Variants in MRPL48 observed in about 807,000 individuals in gnomAD.
MRPL48 encodes large ribosomal subunit protein mL48.
A neutral mutation model predicts 32.9 loss-of-function variants in MRPL48; 16 were observed. The observed-to-expected ratio is 0.49, with a 90% CI of 0.33 to 0.74. The LOEUF (loss-of-function observed/expected upper bound fraction) is 0.74. Ranked by LOEUF, MRPL48 falls within the 30% of genes least tolerant of loss-of-function variation. The pLI is 0.02. For missense variants in MRPL48, 206 were observed against 245.3 expected, an observed-to-expected ratio of 0.84 and a Z score of 1.07; for synonymous variants, 94 against 89.2, an observed-to-expected ratio of 1.05 and a Z score of -0.31.
At chr11:73,804,562 A>C (rs571049279) in intron 1 of MRPL48, among the ~76,000 whole-genome samples, 1 of 150,234 alleles carries the variant, frequency 6.7e-6, no homozygotes, top group South Asian at 2.1e-4. Context: ...GAGCCACCGC[A>C]CCTGGCCATT....
chr11:73,842,070 C>A, intron 4 of MRPL48: 1 of 152,188 alleles, frequency 6.6e-6, no homozygotes, highest in African/African-American at 2.4e-5. Context: ...CCTGTCTCAG[C>A]CTCCCAAGTT....
At chr11:73,823,946 C>T (rs1947836251) in intron 3 of MRPL48, among the ~76,000 whole-genome samples, 3 of 151,810 alleles carry the variant, frequency 2.0e-5, no homozygotes, top group Admixed American at 2.0e-4. Flanking sequence ...GCCTCCGCCT[C>T]CTGGGTTCAA....
intron 1 of MRPL48, among the ~76,000 whole-genome samples, chr11:73,794,184 G>GTATCTATCTATCTATCTATC (rs56944899): frequency 7.2e-6 from 1 of 139,178 alleles, no homozygotes; most frequent in Non-Finnish European, 1.6e-5. Flanking sequence ...GTGAGACCCT[G>GTATCTATCTATCTATCTATC]TATCTATCTA....
intron 3 of MRPL48, among the ~76,000 whole-genome samples, chr11:73,825,081 G>A (rs926382452): frequency 6.6e-6 from 1 of 152,112 alleles, no homozygotes; most frequent in African/African-American, 2.4e-5. Context: ...AAGGAAATTA[G>A]CATTTCTCTG....
intron 3 of MRPL48, among the ~76,000 whole-genome samples, 172 bp from the exon 4 acceptor site, chr11:73,825,536 G>C (rs369851016): frequency 3.8e-4 from 57 of 151,966 alleles, no homozygotes; most frequent in African/African-American, 1.3e-3. Flanking sequence ...CGGCGGGGAG[G>C]GGGGTGTGGG....
intron 5 of MRPL48, among the ~76,000 whole-genome samples, chr11:73,858,864 A>G (rs1948533001): frequency 1.3e-5 from 2 of 152,240 alleles, no homozygotes; most frequent in Non-Finnish European, 2.9e-5. Flanking sequence ...GGAATGACTT[A>G]CCTAAGTAAA....
intron 4 of MRPL48, among the ~76,000 whole-genome samples, chr11:73,835,735 C>T (rs561881814): frequency 1.3e-5 from 2 of 151,832 alleles, no homozygotes; most frequent in East Asian, 4.0e-4. Context: ...CCCATTTCTA[C>T]TAAAAATACA....
At chr11:73,806,679 A>G (rs1261080385) in intron 2 of MRPL48, among the ~76,000 whole-genome samples, 5 of 152,166 alleles carry the variant, frequency 3.3e-5, no homozygotes, top group Admixed American at 2.6e-4. Flanking sequence ...TTGTTAAATG[A>G]ATGAATTGAC....
At chr11:73,820,739 A>AAT (rs71065040) in intron 3 of MRPL48, among the ~76,000 whole-genome samples, 14,841 of 151,216 alleles carry the variant, frequency 0.098, 984 homozygotes, top group African/African-American at 0.19. Flanking sequence ...TTGAGTGGAT[A>AAT]ATATATATAT....
chr11:73,796,121 C>A (rs1947249950), intron 1 of MRPL48, among the ~76,000 whole-genome samples: 1 of 152,246 alleles, frequency 6.6e-6, no homozygotes, highest in South Asian at 2.1e-4. Flanking sequence ...GGGAGCCCTG[C>A]CCCTTCCGAG....
chr11:73,818,701 T>C (rs1473550476), intron 3 of MRPL48, among the ~76,000 whole-genome samples: 2 of 152,258 alleles, frequency 1.3e-5, no homozygotes, highest in Non-Finnish European at 2.9e-5. Flanking sequence ...AATTTTTTTC[T>C]TTCCCTACCT....
At chr11:73,834,690 T>C (rs1035502214) in intron 4 of MRPL48, among the ~76,000 whole-genome samples, 6 of 151,136 alleles carry the variant, frequency 4.0e-5, no homozygotes, top group Non-Finnish European at 8.9e-5. Flanking sequence ...TGTGCCACCA[T>C]GCCCAGCTAA....
Position 73,788,478 on chromosome 11 carries a change from T to C in MRPL48, c.21+486T>C, listed in dbSNP as rs979097320. Reference sequence around the variant, plus strand: ...GGTTTTTGTTCTTTTCTTTCTTTTTTTTTTTTTTTTTTTTTTGACGGATTT... The same window carrying C: ...GGTTTTTGTTCTTTTCTTTCTTTTTCTTTTTTTTTTTTTTTTGACGGATTT... On this transcript the variant is annotated intron_variant, in intron 1 of 7. Coordinates refer to ENST00000310614, the MANE Select transcript of MRPL48 (RefSeq NM_016055.6). 5.6e-3 allele frequency among the ~76,000 whole-genome samples: 820 copies of C among 145,716 alleles called. 2 individuals are homozygous for C. Among genetic ancestry groups the C allele is most frequent in the Middle Eastern group, 0.014 (4 of 288 alleles).
At position 73,819,686 on chromosome 11, in the gene MRPL48, G is replaced by A. The variant is rs180718993; in HGVS notation, c.113-6022G>A. 1.6e-4 allele frequency among the ~76,000 whole-genome samples: 25 copies of A among 152,236 alleles called. No homozygotes were observed. The East Asian group carries it at 3.9e-3, about 24-fold the overall frequency. ...AATTGTCCAGCCTGGGCAACATGGC[G>A]AAACTGCATATCTACAAGAAATCCA... On this transcript the variant is annotated intron_variant, in intron 3 of 7. Coordinates refer to ENST00000310614, the MANE Select transcript of MRPL48 (RefSeq NM_016055.6).
rs766011174 is a variant in MRPL48 at position 73,844,899 on chromosome 11, T to C, written c.294T>C (p.Tyr98=). Reference sequence around the variant, plus strand: ...TTTTAAATATTCATCTGACTGCATATGATATGACCCTGGCAGAGAGTTATG... The same window carrying C: ...TTTTAAATATTCATCTGACTGCATACGATATGACCCTGGCAGAGAGTTATG... ...YGVLNIHLTA[Y]DMTLAESYAQ... The change falls in exon 5 of 8, where the codon TAT becomes TAC. Residue 98 remains tyrosine (Y), a synonymous_variant. Transcript: ENST00000310614. 14 of 1,613,718 alleles carry C rather than the reference T, an allele frequency of 8.7e-6. No individual in the cohort carries two copies. In the South Asian group the frequency reaches 1.5e-4, roughly 18 times the overall value.
chr11:73,834,800 G>A (rs1590978415), intron 4 of MRPL48, among the ~76,000 whole-genome samples: 1 of 150,384 alleles, frequency 6.6e-6, no homozygotes, highest in African/African-American at 2.4e-5. Context: ...CTACCAAAGT[G>A]CTGGGATTAC....
chr11:73,848,452 T>C (rs909831556), intron 5 of MRPL48, among the ~76,000 whole-genome samples: 2 of 151,582 alleles, frequency 1.3e-5, no homozygotes, highest in African/African-American at 4.8e-5. Flanking sequence ...ATTTTTAGAA[T>C]TAGCTTGTTG....
rs1948633284 is a variant in MRPL48 at position 73,864,388 on chromosome 11, A to G, written c.*18A>G. On this transcript the variant is annotated 3_prime_UTR_variant, in exon 8 of 8. Coordinates refer to ENST00000310614, the MANE Select transcript of MRPL48 (RefSeq NM_016055.6). The stretch of plus-strand genomic sequence containing the variant: ...TGAAGTAGCTACTGTAGACCCTTTC[A>G]TGCCAGCAGTGGTCATATTGAGTGC... The G allele has an allele frequency of 6.2e-7, 1 of 1,612,984 alleles. No individual in the cohort carries two copies. The highest frequency in any genetic ancestry group is 8.5e-7 in the Non-Finnish European group (1 of 1,179,344).
At chr11:73,791,214 A>G (rs976213772) in intron 1 of MRPL48, among the ~76,000 whole-genome samples, 3 of 151,544 alleles carry the variant, frequency 2.0e-5, no homozygotes, top group Non-Finnish European at 2.9e-5. Flanking sequence ...AGTATTTTAC[A>G]TCTCCCTAAT....
Sources: allele counts gnomAD v4.1 joint callset (sites outside exome capture counted in the v4.1 genomes callset), GRCh38; gene constraint gnomAD v4.1.1; transcripts MANE v1.5; gene names NCBI Gene and HGNC (gene_info 2026-07-23, HGNC 2026-07-21).